Variants in ASAP2 observed in about 807,000 individuals in gnomAD.
The protein encoded by ASAP2 is ArfGAP with SH3 domain, ankyrin repeat and PH domain 2.
ASAP2 carries 45 observed loss-of-function variants against 131.4 expected under a neutral mutation model. The observed-to-expected ratio is 0.34, with a 90% CI of 0.27 to 0.44. ASAP2 has a LOEUF of 0.44. ASAP2 is among the 20% of genes least tolerant of loss of function. ASAP2 has a pLI of 1.00. For missense variants in ASAP2, 1,011 were observed against 1,297.0 expected (o/e 0.78, Z 3.39); for synonymous variants, 510 against 503.0 (o/e 1.01, Z -0.19).
At position 9,385,870 on chromosome 2, in the gene ASAP2, C is replaced by T. The variant is rs528459008; in HGVS notation, c.2130+512C>T. Reference sequence around the variant, plus strand: ...AGTGAAGCAGCTATTTAGAGGCAGGCTTGGGACTGCACGAAGGCTCTTGCC... The same window carrying T: ...AGTGAAGCAGCTATTTAGAGGCAGGTTTGGGACTGCACGAAGGCTCTTGCC... On this transcript the variant is annotated intron_variant, in intron 21 of 27. Coordinates refer to ENST00000281419, the MANE Select transcript of ASAP2 (RefSeq NM_003887.3). Among the ~76,000 whole-genome samples the T allele has an allele frequency of 3.9e-4, 59 of 152,386 alleles. No individual in the cohort carries two copies. In the South Asian group the frequency reaches 0.012, roughly 31 times the overall value.
At chr2:9,332,992 A>T (rs1433679157) in intron 7 of ASAP2, among the ~76,000 whole-genome samples, 1 of 152,240 alleles carries the variant, frequency 6.6e-6, no homozygotes, top group Admixed American at 6.5e-5. Context: ...GTCAGAGTTC[A>T]TGCCCCACGG....
intron 12 of ASAP2, among the ~76,000 whole-genome samples, chr2:9,351,336 T>C (rs1299013937): frequency 6.6e-6 from 1 of 152,220 alleles, no homozygotes. Flanking sequence ...GTGTTTGAAA[T>C]TGTTTTTCTT....
chr2:9,352,212 AACACACACACACACACACACACACACAC>A (rs58275721), intron 12 of ASAP2, among the ~76,000 whole-genome samples: 79 of 150,084 alleles, frequency 5.3e-4, no homozygotes, highest in African/African-American at 1.9e-3. Flanking sequence ...AACACACACA[AACACACACACACACACACACACACACAC>A]ACACACAAAC....
At chr2:9,309,625 G>A (rs998449075) in intron 3 of ASAP2, among the ~76,000 whole-genome samples, 11 of 152,090 alleles carry the variant, frequency 7.2e-5, no homozygotes, top group African/African-American at 2.2e-4. Flanking sequence ...AAATGTGTGT[G>A]GTTTATTGTC....
chr2:9,262,302 A>G (rs1298068356), intron 1 of ASAP2, among the ~76,000 whole-genome samples: 1 of 152,284 alleles, frequency 6.6e-6, no homozygotes, highest in East Asian at 1.9e-4. Flanking sequence ...AATGACTGAG[A>G]CGGTCCTGGG....
At chr2:9,260,088 G>A (rs890270784) in intron 1 of ASAP2, among the ~76,000 whole-genome samples, 1 of 152,198 alleles carries the variant, frequency 6.6e-6, no homozygotes, top group Non-Finnish European at 1.5e-5. Context: ...TGCTATGGAG[G>A]TGGGAGGGGA....
At position 9,323,215 on chromosome 2, in the gene ASAP2, A is replaced by G. The variant is rs1670260986; in HGVS notation, c.565A>G (p.Lys189Glu). Residue 189 changes from lysine (K) to glutamate (E), a missense_variant, in exon 6 of 28, where the codon AAG becomes GAG. By Grantham distance (56) the Lys-to-Glu change is moderately conservative (BLOSUM62 1). This residue lies in a region of ASAP2 where 359 missense variants were observed against 598.1 expected (regional missense o/e 0.60). Transcript: ENST00000281419. ...SGAEIAEEMEKERRFFQLQMC... is the reference protein window; with the variant it reads ...SGAEIAEEMEEERRFFQLQMC... ...AGCGGAAATTGCCGAAGAGATGGAA[A>G]AGGAGAGGCGCTTCTTCCAGCTACA... 2 of 1,614,228 alleles carry G rather than the reference A, an allele frequency of 1.2e-6. No individual in the cohort carries two copies. Among genetic ancestry groups the G allele is most frequent in the South Asian group, 1.1e-5 (1 of 91,088 alleles).
Position 9,374,832 on chromosome 2 carries a change from C to A in ASAP2, c.1634C>A (p.Ala545Glu), listed in dbSNP as rs768539515. The A allele has an allele frequency of 1.2e-6, 2 of 1,614,028 alleles. No individual in the cohort carries two copies. The highest frequency in any genetic ancestry group is 3.3e-5 in the Admixed American group (2 of 60,002). ...YARKKHADNA[A>E]KLHSLCEAVK... ...AGGAAGAAGCACGCGGATAACGCGG[C>A]GAAGCTTCACAGTCTTTGCGAGGCC... The change falls in exon 17 of 28, where the codon GCG becomes GAG. Residue 545 changes from alanine (A) to glutamate (E), a missense_variant. By Grantham distance (107) the Ala-to-Glu change is moderately radical. Coordinates refer to ENST00000281419, the MANE Select transcript of ASAP2 (RefSeq NM_003887.3).
rs186984977 is a variant in ASAP2 at position 9,329,040 on chromosome 2, G to A, written c.686+1129G>A. Among the ~76,000 whole-genome samples, 691 of 152,232 alleles carry A rather than the reference G, an allele frequency of 4.5e-3. 4 individuals carry two copies. The highest frequency in any genetic ancestry group is 0.016 in the African/African-American group (666 of 41,534). On this transcript the variant is annotated intron_variant, in intron 7 of 27. Transcript: ENST00000281419. ...AGTGCCCGGAACACAGTAGGTACTC[G>A]GCTGTTTCTTGAATGAGCTGCAGGC...
Position 9,404,587 on chromosome 2 carries a change from CAT to C in ASAP2, c.*1263_*1264del, listed in dbSNP as rs1373617097. On this transcript the variant is annotated 3_prime_UTR_variant, in exon 28 of 28. Coordinates refer to ENST00000281419, the MANE Select transcript of ASAP2 (RefSeq NM_003887.3). The stretch of plus-strand genomic sequence containing the variant: ...TTTTGGCACTCTGAGAATAAATAGG[CAT>C]ATGATACCCACTTGGACTTTTAACA... 2 of 152,482 alleles carry C rather than the reference CAT, an allele frequency of 1.3e-5. No individual in the cohort carries two copies. The highest frequency in any genetic ancestry group is 2.9e-5 in the Non-Finnish European group (2 of 68,036). 9.4% of individuals were successfully genotyped at this position (152,482 alleles called of 1,614,324 possible).
intron 3 of ASAP2, among the ~76,000 whole-genome samples, chr2:9,304,186 A>G (rs962974632): frequency 6.6e-6 from 1 of 152,148 alleles, no homozygotes; most frequent in Non-Finnish European, 1.5e-5. Context: ...GTCCATCTGC[A>G]CACAAGCCTG....
chr2:9,361,510 TTC>T (rs1031340909), intron 15 of ASAP2, among the ~76,000 whole-genome samples: 10 of 152,134 alleles, frequency 6.6e-5, no homozygotes, highest in African/African-American at 2.2e-4. Flanking sequence ...ATTTCAAGGC[TTC>T]TTTCTTTCTT....
chr2:9,243,427 G>A (rs189328013), intron 1 of ASAP2, among the ~76,000 whole-genome samples: 8 of 152,268 alleles, frequency 5.3e-5, no homozygotes, highest in Admixed American at 5.2e-4. Flanking sequence ...TTTTTATAAT[G>A]TGCATTTTTG....
rs1418466546 is a variant in ASAP2, at chr2:9,207,280, C to T, written c.126+50C>T. 36 of 1,470,680 alleles carry T rather than the reference C, an allele frequency of 2.4e-5. No homozygotes were observed. The highest frequency in any genetic ancestry group is 3.1e-5 in the Non-Finnish European group (35 of 1,115,604). The allele number at this position is 1,470,680 out of a possible 1,614,324, so 91.1% of individuals were successfully genotyped here. ...CGGCCGCAGGTATCCCGCGCCCCAG[C>T]CCCGCCCGCCGCTCCCGCATCCGCA... On this transcript the variant is annotated intron_variant, in intron 1 of 27. Transcript: ENST00000281419. This position sits in a 1 kb window ranked among gnomAD's most constrained non-coding sequence, Gnocchi z 4.1.
chr2:9,276,682 C>G (rs116390180), intron 1 of ASAP2, among the ~76,000 whole-genome samples: 1 of 152,062 alleles, frequency 6.6e-6, no homozygotes, highest in East Asian at 1.9e-4. Flanking sequence ...GGATTACAGG[C>G]ACACCCACCA....
At chr2:9,384,967 T>C (rs1271422376) in intron 20 of ASAP2, among the ~76,000 whole-genome samples, 1 of 152,250 alleles carries the variant, frequency 6.6e-6, no homozygotes, top group Non-Finnish European at 1.5e-5. Context: ...CTCCATGTTA[T>C]AACCGAAGAC....
chr2:9,388,470 C>T lies in ASAP2; in HGVS notation c.2307C>T (p.Gly769=). ...AGACTTACGGAGCCCTCCTGAGTGGCAGCCCACCTCCCGCCCAGCCTGCAG... is the reference window on the plus strand; with the variant it reads ...AGACTTACGGAGCCCTCCTGAGTGGTAGCCCACCTCCCGCCCAGCCTGCAG... ...QNETYGALLS[G]SPPPAQPAAP... Residue 769 remains glycine (G), a synonymous_variant, in exon 22 of 28, where the codon GGC becomes GGT. Transcript: ENST00000281419. The T allele has an allele frequency of 6.2e-7, 1 of 1,614,088 alleles. No homozygotes were observed. The highest frequency in any genetic ancestry group is 8.5e-7 in the Non-Finnish European group (1 of 1,180,000).
intron 2 of ASAP2, among the ~76,000 whole-genome samples, chr2:9,294,299 A>G (rs978658329): frequency 3.3e-5 from 5 of 152,160 alleles, no homozygotes; most frequent in Admixed American, 2.6e-4. Context: ...GTGTCCGGCC[A>G]CTAATTTTTT....
chr2:9,236,320 T>G (rs1309873817), intron 1 of ASAP2, among the ~76,000 whole-genome samples: 6 of 152,198 alleles, frequency 3.9e-5, no homozygotes, highest in Non-Finnish European at 5.9e-5. Context: ...CACTTGAATA[T>G]ATTAAGTTCG....
Sources: gnomAD v4.1 joint callset for allele counts (sites outside exome capture counted in the v4.1 genomes callset) on GRCh38, gnomAD v4.1.1 for gene constraint, gnomAD v4.1.1 regional missense constraint, Gnocchi (gnomAD v3.1) non-coding constraint, MANE v1.5 for transcripts, NCBI Gene and HGNC (gene_info 2026-07-23, HGNC 2026-07-21) for gene names.